The following ZNF711 variants were observed in gnomAD, a reference collection of about 807,000 sequenced individuals.
ZNF711 encodes ZFX family zinc finger ZNF711.
In ZNF711, 3 loss-of-function variants were observed where a neutral mutation model predicts 43.5. That is an observed-to-expected ratio of 0.07 (90% CI 0.03 to 0.18). The LOEUF is 0.18. Ranked by LOEUF, ZNF711 falls within the 10% of genes least tolerant of loss-of-function variation. The pLI is 1.00. For synonymous variants in ZNF711, 209 were observed against 207.7 expected (o/e 1.01, Z -0.06); for missense variants, 412 against 604.0 (o/e 0.68, Z 3.33).
chrX:85,251,797 A>G (rs1929572063), intron 4 of ZNF711, among the ~76,000 whole-genome samples: 1 of 110,188 alleles, frequency 9.1e-6, no homozygotes, highest in African/African-American at 3.3e-5. Flanking sequence ...ACCTCTCTTT[A>G]AAAAACAGTA....
At chrX:85,253,654 G>A (rs1929743130) in intron 4 of ZNF711, among the ~76,000 whole-genome samples, 2 of 110,048 alleles carry the variant, frequency 1.8e-5, no homozygotes, top group South Asian at 7.7e-4. Context: ...GTATGTGAAT[G>A]TATATATTCT....
chrX:85,257,317 A>G (rs1930244708), intron 5 of ZNF711, among the ~76,000 whole-genome samples: 1 of 109,155 alleles, frequency 9.2e-6, no homozygotes, highest in Non-Finnish European at 1.9e-5. Flanking sequence ...TCCTCGCCCC[A>G]CTCCCTCCCT....
At chrX:85,266,463 G>A (rs1053854595) in intron 7 of ZNF711, among the ~76,000 whole-genome samples, 3 of 110,785 alleles carry the variant, frequency 2.7e-5, no homozygotes, top group Non-Finnish European at 5.7e-5. Context: ...TCTCTTTTTG[G>A]TTAATAGAGA....
At chrX:85,247,427 C>A in intron 3 of ZNF711, 120 bp from the exon 4 acceptor site, 1 of 438,619 alleles carries the variant, frequency 2.3e-6, no homozygotes, top group Non-Finnish European at 3.8e-6. Context: ...GTTTTGCTTT[C>A]TTTTGTAATA....
intron 4 of ZNF711, among the ~76,000 whole-genome samples, chrX:85,252,172 T>G (rs1185504389): frequency 8.9e-6 from 1 of 112,442 alleles, no homozygotes; most frequent in Admixed American, 9.4e-5. Flanking sequence ...AGTAATCTGC[T>G]GCTACCCTGT....
chrX:85,252,161 A>G (rs570232413), intron 4 of ZNF711, among the ~76,000 whole-genome samples: 2 of 112,430 alleles, frequency 1.8e-5, no homozygotes, highest in African/African-American at 3.2e-5. Flanking sequence ...ATCTTGGTCT[A>G]AGTAATCTGC....
chrX:85,255,181 A>G (rs1280783471), intron 4 of ZNF711, 78 bp from the exon 5 acceptor site: 1 of 903,623 alleles, frequency 1.1e-6, no homozygotes, highest in African/African-American at 2.0e-5. Flanking sequence ...AAATATTTAT[A>G]GCATTTGATT....
At chrX:85,269,198 G>A (rs969733736) in intron 9 of ZNF711, among the ~76,000 whole-genome samples, 2 of 110,453 alleles carry the variant, frequency 1.8e-5, no homozygotes, top group African/African-American at 3.3e-5. Flanking sequence ...GATCTGTTTC[G>A]TTTTTTATGC....
chrX:85,260,221 C>G (rs1031173111), intron 5 of ZNF711, among the ~76,000 whole-genome samples: 1 of 110,608 alleles, frequency 9.0e-6, no homozygotes, highest in Non-Finnish European at 1.9e-5. Context: ...GTTGAACCAC[C>G]CTTTCATCCT....
chrX:85,270,667 T>C lies in ZNF711; in HGVS notation c.1263T>C (p.Pro421=). The change falls in exon 11 of 11, where the codon CCT becomes CCC. Residue 421 remains proline, a synonymous_variant. Transcript: ENST00000674551. The stretch of plus-strand genomic sequence containing the variant: ...TTTATCTAGCTGTTATAATAGGTCC[T>C]GATGGACAGCCCCTCACAGTGTACC... ...RQWQTAVIIG[P]DGQPLTVYPC... is the part of the protein sequence containing the mutation. 8.3e-7 allele frequency: 1 copy of C among 1,206,935 alleles called. No individual in the cohort carries two copies. The highest frequency in any genetic ancestry group is 2.3e-4 in the Middle Eastern group (1 of 4,333).
At chrX:85,244,969 T>G (rs1928892113) in intron 1 of ZNF711, 1 of 111,777 alleles carries the variant, frequency 8.9e-6, no homozygotes, top group Non-Finnish European at 1.9e-5. Flanking sequence ...TTGTTAGGTT[T>G]AAGATCTAGT....
chrX:85,257,726 AT>A (rs1253080065), intron 5 of ZNF711, among the ~76,000 whole-genome samples: 1 of 112,893 alleles, frequency 8.9e-6, no homozygotes, highest in Non-Finnish European at 1.9e-5. Flanking sequence ...TCTGTTTTAA[AT>A]TCTCTGATAA....
At chrX:85,247,720 G>T in intron 4 of ZNF711, 69 bp downstream of exon 4, 1 of 844,136 alleles carries the variant, frequency 1.2e-6, no homozygotes, top group African/African-American at 2.0e-5. Context: ...TCAAAAATAA[G>T]TTGAGGAAGG....
At chrX:85,262,211 T>A (rs1930713522) in intron 5 of ZNF711, among the ~76,000 whole-genome samples, 1 of 110,884 alleles carries the variant, frequency 9.0e-6, no homozygotes, top group Non-Finnish European at 1.9e-5. Context: ...AGTAATTTCA[T>A]ACTTATTGCT....
At chrX:85,262,457 G>GT (rs1217132022) in intron 5 of ZNF711, among the ~76,000 whole-genome samples, 10 of 109,893 alleles carry the variant, frequency 9.1e-5, no homozygotes, top group Admixed American at 8.7e-4. Context: ...ACTTTTTGAA[G>GT]TTTTTTTATA....
Position 85,271,181 on chromosome X carries a change from A to C in ZNF711, c.1777A>C (p.Asn593His). The change falls in exon 11 of 11, where the codon AAT (asparagine) becomes CAT (histidine). Residue 593 changes from asparagine (N) to histidine (H), a missense_variant. Asn to His is a moderately conservative substitution (Grantham distance 68). This residue lies in a region of ZNF711 where 375 missense variants were observed against 514.2 expected (regional missense o/e 0.73). Transcript: ENST00000674551. ...TATTTTCAGGTGTGCAGATCAATCA[A>C]ATCTGAAAACTCACATTAAGTCTAA... Reference protein sequence around the residue: ...YCIFRCADQSNLKTHIKSKHG... With the variant: ...YCIFRCADQSHLKTHIKSKHG... 1.7e-6 allele frequency: 2 copies of C among 1,210,094 alleles called. No individual in the cohort carries two copies. The highest frequency in any genetic ancestry group is 2.2e-6 in the Non-Finnish European group (2 of 894,725).
Position 85,270,678 on chromosome X carries a change from C to A in ZNF711, c.1274C>A (p.Pro425His). The A allele has an allele frequency of 8.3e-7, 1 of 1,207,434 alleles. No homozygotes were observed. The highest frequency in any genetic ancestry group is 2.2e-5 in the Admixed American group (1 of 45,738). Residue 425 changes from proline (P) to histidine (H), a missense_variant, in exon 11 of 11, where the codon CCC becomes CAC. Pro to His is a moderately conservative substitution (Grantham distance 77). Coordinates refer to ENST00000674551, the MANE Select transcript of ZNF711 (RefSeq NM_001330574.2). ...TAVIIGPDGQ[P>H]LTVYPCHICT... ...GTTATAATAGGTCCTGATGGACAGC[C>A]CCTCACAGTGTACCCTTGCCATATT...
At chrX:85,269,012 T>G (rs1220989024) in intron 9 of ZNF711, among the ~76,000 whole-genome samples, 2 of 111,823 alleles carry the variant, frequency 1.8e-5, no homozygotes, top group Admixed American at 1.9e-4. Flanking sequence ...TTAGCTAAAT[T>G]GCATAAAACC....
Sources: allele counts gnomAD v4.1 joint callset (sites outside exome capture counted in the v4.1 genomes callset), GRCh38; gene constraint gnomAD v4.1.1; regional missense constraint gnomAD v4.1.1; transcripts MANE v1.5; gene names NCBI Gene and HGNC (gene_info 2026-07-23, HGNC 2026-07-21).